Variants in ZPBP observed in about 807,000 individuals in gnomAD.
ZPBP encodes the protein zona pellucida binding protein.
In ZPBP, 26 loss-of-function variants were observed where a neutral mutation model predicts 44.8. That is an observed-to-expected ratio of 0.58 (90% CI 0.43 to 0.81). The LOEUF (loss-of-function observed/expected upper bound fraction) is 0.81, where lower values mean the gene tolerates loss of function less well. ZPBP is among the 30% of genes least tolerant of loss of function. The pLI, the probability that ZPBP is intolerant of heterozygous loss-of-function variation, is 0.00. For synonymous variants in ZPBP, 174 were observed against 153.2 expected, an observed-to-expected ratio of 1.14 and a Z score of -1.00; for missense variants, 409 against 434.0, an observed-to-expected ratio of 0.94 and a Z score of 0.51.
chr7:49,970,466 C>CTTTTT (rs771955717), intron 7 of ZPBP, among the ~76,000 whole-genome samples: 1 of 85,198 alleles, frequency 1.2e-5, no homozygotes, highest in African/African-American at 4.8e-5. Flanking sequence ...GCTGAATATA[C>CTTTTT]TTTTTTTTTT....
At chr7:50,017,423 T>G (rs1798864215) in intron 6 of ZPBP, among the ~76,000 whole-genome samples, 1 of 152,138 alleles carries the variant, frequency 6.6e-6, no homozygotes, top group Non-Finnish European at 1.5e-5. Context: ...CACTCTAGCC[T>G]GCCACTCACC....
At chr7:50,005,817 C>CTA (rs1300340516) in intron 6 of ZPBP, among the ~76,000 whole-genome samples, 1 of 119,154 alleles carries the variant, frequency 8.4e-6, no homozygotes, top group African/African-American at 3.4e-5. Flanking sequence ...AACTTCATAA[C>CTA]TATATATGTG....
chr7:49,989,843 A>G (rs1797480296), intron 6 of ZPBP, among the ~76,000 whole-genome samples: 1 of 152,172 alleles, frequency 6.6e-6, no homozygotes, highest in African/African-American at 2.4e-5. Context: ...CATTACTCAG[A>G]GTTTTCCTTT....
chr7:49,844,267 C>T, the ZPBP span, among the ~76,000 whole-genome samples: 1 of 152,142 alleles, frequency 6.6e-6, no homozygotes, highest in South Asian at 2.1e-4. Flanking sequence ...TGAAGGGCGT[C>T]GATTCTATCC....
At chr7:49,930,174 G>A (rs1404992940) in intron 1 of ZPBP, among the ~76,000 whole-genome samples, 1 of 152,214 alleles carries the variant, frequency 6.6e-6, no homozygotes, top group African/African-American at 2.4e-5. Context: ...GGGGGCAAGA[G>A]TACAAGTAGT....
chr7:49,995,973 A>G (rs1382680067), intron 6 of ZPBP, among the ~76,000 whole-genome samples: 2 of 152,184 alleles, frequency 1.3e-5, no homozygotes, highest in Non-Finnish European at 2.9e-5. Flanking sequence ...TAGGGTGACT[A>G]TAGTTAACAA....
At chr7:49,924,205 TAAGGC>T (rs1326009227) in intron 1 of ZPBP, among the ~76,000 whole-genome samples, 1 of 151,716 alleles carries the variant, frequency 6.6e-6, no homozygotes, top group Non-Finnish European at 1.5e-5. Context: ...TAGATCTTGA[TAAGGC>T]AAGGAGGCAT....
chr7:50,017,128 A>T (rs1420227125), intron 6 of ZPBP, among the ~76,000 whole-genome samples: 5 of 152,118 alleles, frequency 3.3e-5, no homozygotes, highest in Non-Finnish European at 7.4e-5. Context: ...AAATCATGAA[A>T]TAATTATACA....
chr7:49,969,508 TC>T (rs1403676276), intron 7 of ZPBP, among the ~76,000 whole-genome samples: 1 of 57,502 alleles, frequency 1.7e-5, no homozygotes, highest in Non-Finnish European at 3.8e-5. Flanking sequence ...AATAGTATGG[TC>T]AAAAAAAAAA....
intron 4 of ZPBP, among the ~76,000 whole-genome samples, chr7:50,057,620 G>A (rs1019280540): frequency 1.3e-5 from 2 of 152,100 alleles, no homozygotes; most frequent in African/African-American, 4.8e-5. Context: ...GGTGTTTCAC[G>A]CTCCTGTTTT....
chr7:49,883,844 T>A (rs1214370338), intron 2 of ZPBP, among the ~76,000 whole-genome samples: 4 of 152,352 alleles, frequency 2.6e-5, no homozygotes, highest in Middle Eastern at 3.4e-3. Context: ...CCCTAGTGAA[T>A]GTTTGAATTT....
chr7:50,051,966 A>G (rs189290205), intron 4 of ZPBP, among the ~76,000 whole-genome samples: 74 of 151,612 alleles, frequency 4.9e-4, no homozygotes, highest in African/African-American at 1.7e-3. Flanking sequence ...AATGAAAATA[A>G]TTTTTTTTTA....
intron 1 of ZPBP, among the ~76,000 whole-genome samples, chr7:49,927,697 C>T (rs1323732764): frequency 2.0e-5 from 3 of 152,166 alleles, no homozygotes; most frequent in South Asian, 4.1e-4. Flanking sequence ...GCACCATAAG[C>T]GTACTCAGCA....
intron 4 of ZPBP, among the ~76,000 whole-genome samples, chr7:50,038,176 A>C (rs1457476261): frequency 6.6e-6 from 1 of 152,234 alleles, no homozygotes; most frequent in Non-Finnish European, 1.5e-5. Context: ...CTCAGAAAGC[A>C]GCACACCACT....
intron 7 of ZPBP, among the ~76,000 whole-genome samples, chr7:49,951,380 A>G (rs1795336530): frequency 1.3e-5 from 2 of 151,680 alleles, no homozygotes; most frequent in African/African-American, 4.8e-5. Flanking sequence ...AATCCCAAGT[A>G]GAAACACTGG....
At chr7:49,846,219 A>G (rs1027215605), downstream of ZPBP, among the ~76,000 whole-genome samples, 2 of 151,824 alleles carry the variant, frequency 1.3e-5, no homozygotes, top group South Asian at 2.1e-4. Context: ...ATTTGGTGCA[A>G]AGAGTCGCCC....
At chr7:49,893,570 G>A (rs146011463) in intron 2 of ZPBP, among the ~76,000 whole-genome samples, 1 of 151,488 alleles carries the variant, frequency 6.6e-6, no homozygotes, top group East Asian at 1.9e-4. Context: ...AAATAAATGT[G>A]CACAAACACA....
chr7:50,061,624 C>T (rs28444285), intron 3 of ZPBP, among the ~76,000 whole-genome samples: 4 of 152,214 alleles, frequency 2.6e-5, no homozygotes, highest in African/African-American at 9.6e-5. Flanking sequence ...TTAATGATTT[C>T]TCCTGGCTAT....
At chr7:49,978,081 GT>G (rs34696520) in intron 7 of ZPBP, among the ~76,000 whole-genome samples, 71,864 of 143,298 alleles carry the variant, frequency 0.5, 18,266 homozygotes, top group East Asian at 0.69. Context: ...TTGGTTTTTT[GT>G]TTTTTTTTTT....
Sources: gnomAD v4.1 joint callset for allele counts (sites outside exome capture counted in the v4.1 genomes callset) on GRCh38, gnomAD v4.1.1 for gene constraint, MANE v1.5 for transcripts, NCBI Gene and HGNC (gene_info 2026-07-23, HGNC 2026-07-21) for gene names.